The following CTNNA3 variants were observed in gnomAD, a reference collection of about 807,000 sequenced individuals.
CTNNA3 encodes the protein catenin alpha-3.
A neutral mutation model predicts 95.7 loss-of-function variants in CTNNA3; 76 were observed. The ratio of observed to expected loss-of-function variants is 0.79; its 90% confidence interval spans 0.66 to 0.96. CTNNA3 has a LOEUF of 0.96. Among genes scored for constraint, CTNNA3 ranks in the 40% least tolerant of loss-of-function variants. CTNNA3 has a pLI of 0.00. For missense variants in CTNNA3, 1,191 were observed against 1,089.8 expected, an observed-to-expected ratio of 1.09 and a Z score of -1.31; for synonymous variants, 431 against 374.4, an observed-to-expected ratio of 1.15 and a Z score of -1.74.
At chr10:66,065,063 T>C (rs953358213) in intron 15 of CTNNA3, among the ~76,000 whole-genome samples, 3 of 152,120 alleles carry the variant, frequency 2.0e-5, no homozygotes, top group Non-Finnish European at 2.9e-5. Context: ...CAAAAAGTGA[T>C]AACTGCTAAA....
chr10:67,352,624 T>C (rs1029788601), intron 5 of CTNNA3, among the ~76,000 whole-genome samples: 3 of 152,032 alleles, frequency 2.0e-5, no homozygotes, highest in Non-Finnish European at 4.4e-5. Context: ...ATTTTTCCTG[T>C]ATGTTAGCAG....
intron 12 of CTNNA3, among the ~76,000 whole-genome samples, chr10:66,313,987 A>G (rs1030869209): frequency 6.6e-6 from 1 of 152,154 alleles, no homozygotes; most frequent in East Asian, 1.9e-4. Context: ...CATACAAACT[A>G]TCTCATCCTC....
intron 7 of CTNNA3, among the ~76,000 whole-genome samples, chr10:67,036,142 ATTTAT>A (rs992284000): frequency 2.6e-5 from 4 of 151,866 alleles, no homozygotes; most frequent in Non-Finnish European, 4.4e-5. Flanking sequence ...TAATTTGGGG[ATTTAT>A]TTTATTTTAT....
At chr10:67,726,347 A>C (rs1479376949) in intron 1 of CTNNA3, among the ~76,000 whole-genome samples, 2 of 64,180 alleles carry the variant, frequency 3.1e-5, no homozygotes, top group Non-Finnish European at 4.9e-5. Context: ...TATATAATAT[A>C]TGATATATAT....
At chr10:67,000,207 A>G (rs79334913) in intron 7 of CTNNA3, among the ~76,000 whole-genome samples, 1,559 of 152,312 alleles carry the variant, frequency 0.01, 24 homozygotes, top group African/African-American at 0.035. Context: ...AGAAACATTT[A>G]CAAGAATCTT....
At chr10:67,386,151 G>A (rs1844152765) in intron 5 of CTNNA3, among the ~76,000 whole-genome samples, 1 of 152,170 alleles carries the variant, frequency 6.6e-6, no homozygotes, top group Admixed American at 6.5e-5. Flanking sequence ...TAGGTATAGG[G>A]TTAGACCTGA....
intron 15 of CTNNA3, among the ~76,000 whole-genome samples, chr10:66,044,400 C>G (rs538311199): frequency 2.4e-4 from 36 of 151,982 alleles, no homozygotes; most frequent in African/African-American, 7.5e-4. Flanking sequence ...AAAACAACAC[C>G]CTTTAATGTT....
intron 5 of CTNNA3, among the ~76,000 whole-genome samples, chr10:67,252,596 G>C (rs1420746612): frequency 6.6e-6 from 1 of 152,116 alleles, no homozygotes; most frequent in Non-Finnish European, 1.5e-5. Context: ...CCTTCTTCTT[G>C]TAATGATTTG....
intron 7 of CTNNA3, among the ~76,000 whole-genome samples, chr10:66,865,023 G>A (rs770895884): frequency 6.6e-6 from 1 of 152,026 alleles, no homozygotes; most frequent in African/African-American, 2.4e-5. Flanking sequence ...ATAAAATATT[G>A]GAAAGAGAAA....
chr10:66,624,151 G>A (rs1294416772), intron 9 of CTNNA3, among the ~76,000 whole-genome samples: 1 of 152,128 alleles, frequency 6.6e-6, no homozygotes, highest in Non-Finnish European at 1.5e-5. Flanking sequence ...AAGGATATCG[G>A]GAGTTTTTGG....
chr10:67,504,249 G>A (rs573623797), intron 5 of CTNNA3, among the ~76,000 whole-genome samples: 4 of 146,804 alleles, frequency 2.7e-5, no homozygotes, highest in Admixed American at 6.8e-5. Flanking sequence ...TCAGGAAATC[G>A]AGACCATCCT....
intron 5 of CTNNA3, among the ~76,000 whole-genome samples, chr10:67,263,125 T>C (rs1866682977): frequency 6.6e-6 from 1 of 151,996 alleles, no homozygotes; most frequent in African/African-American, 2.4e-5. Context: ...TAACAAGCAG[T>C]GGTGGAGTAT....
At chr10:65,958,052 G>A (rs2077768382) in intron 17 of CTNNA3, among the ~76,000 whole-genome samples, 1 of 151,986 alleles carries the variant, frequency 6.6e-6, no homozygotes, top group Non-Finnish European at 1.5e-5. Context: ...TTTTCACATA[G>A]TCCCATATTT....
chr10:66,299,696 C>A (rs892435382), intron 12 of CTNNA3, among the ~76,000 whole-genome samples: 5 of 151,960 alleles, frequency 3.3e-5, no homozygotes. Flanking sequence ...TTTGAAGAAA[C>A]TACACAGAAT....
At position 66,972,690 on chromosome 10, in the gene CTNNA3, T is replaced by C. The variant is rs959989626; in HGVS notation, c.1048-197166A>G. 1.4e-4 allele frequency among the ~76,000 whole-genome samples: 21 copies of C among 146,550 alleles called. No individual in the cohort carries two copies. The Admixed American group carries it at 1.5e-3, about 11-fold the overall frequency. ...TTATATAGATACAATTTAAAGGTTC[T>C]GTCAAATAGATTTTTTTTTTTTTTT... On this transcript the variant is annotated intron_variant, in intron 7 of 17. Transcript: ENST00000433211.
intron 13 of CTNNA3, among the ~76,000 whole-genome samples, chr10:66,134,851 G>T (rs1004793033): frequency 1.5e-4 from 7 of 46,474 alleles, no homozygotes; most frequent in African/African-American, 6.9e-4. Context: ...TATTAACAGA[G>T]AAAAACAAAG....
At chr10:66,276,121 A>G (rs1354412033) in intron 13 of CTNNA3, among the ~76,000 whole-genome samples, 3 of 152,156 alleles carry the variant, frequency 2.0e-5, no homozygotes, top group Non-Finnish European at 4.4e-5. Context: ...AACCTTCATC[A>G]AGTCAGATAT....
intron 13 of CTNNA3, among the ~76,000 whole-genome samples, chr10:66,242,308 C>A (rs887327063): frequency 2.0e-5 from 3 of 152,128 alleles, no homozygotes; most frequent in African/African-American, 7.2e-5. Flanking sequence ...ACAGCATTAA[C>A]CGTTAAAAAT....
chr10:66,331,984 G>A (rs2092336136), intron 12 of CTNNA3, among the ~76,000 whole-genome samples: 1 of 151,876 alleles, frequency 6.6e-6, no homozygotes, highest in Non-Finnish European at 1.5e-5. Context: ...TGGATTCCTA[G>A]GTATTTTATT....
Sources: allele counts gnomAD v4.1 joint callset (sites outside exome capture counted in the v4.1 genomes callset), GRCh38; gene constraint gnomAD v4.1.1; transcripts MANE v1.5; gene names NCBI Gene and HGNC (gene_info 2026-07-23, HGNC 2026-07-21).